ZFPM2: variants seen among roughly 807,000 people sequenced by gnomAD.
ZFPM2 encodes zinc finger protein, FOG family member 2.
A neutral mutation model predicts 98.6 loss-of-function variants in ZFPM2; 20 were observed. That is an observed-to-expected ratio of 0.20 (90% CI 0.14 to 0.29). ZFPM2 has a LOEUF of 0.29. ZFPM2 is among the 10% of genes least tolerant of loss of function. ZFPM2 has a pLI of 1.00. For synonymous variants in ZFPM2, 518 were observed against 502.7 expected, an observed-to-expected ratio of 1.03 and a Z score of -0.41; for missense variants, 1,310 against 1,388.6, an observed-to-expected ratio of 0.94 and a Z score of 0.90.
At chr8:105,679,394 G>A (rs1342956198) in intron 5 of ZFPM2, among the ~76,000 whole-genome samples, 1 of 152,122 alleles carries the variant, frequency 6.6e-6, no homozygotes, top group East Asian at 1.9e-4. Context: ...TCTGGCCCCT[G>A]TAAGCATTTG....
intron 5 of ZFPM2, among the ~76,000 whole-genome samples, chr8:105,692,317 T>C (rs1210608089): frequency 6.6e-6 from 1 of 152,228 alleles, no homozygotes; most frequent in Non-Finnish European, 1.5e-5. Flanking sequence ...ATGTGTGTTA[T>C]AATGACTACA....
intron 5 of ZFPM2, among the ~76,000 whole-genome samples, chr8:105,723,380 T>C (rs1811717962): frequency 6.6e-6 from 1 of 151,894 alleles, no homozygotes; most frequent in African/African-American, 2.4e-5. Flanking sequence ...TTCCACAGCA[T>C]TGACAGTCCT....
intron 1 of ZFPM2, among the ~76,000 whole-genome samples, chr8:105,343,679 G>A (rs560888850): frequency 6.6e-6 from 1 of 152,172 alleles, no homozygotes; most frequent in South Asian, 2.1e-4. Context: ...CTGGAAGCAT[G>A]GAAGCGAAGG....
chr8:105,633,598 A>G (rs1246138511), intron 4 of ZFPM2, among the ~76,000 whole-genome samples: 2 of 152,202 alleles, frequency 1.3e-5, no homozygotes, highest in Admixed American at 1.3e-4. Context: ...TGTGGTTCTC[A>G]GAGCAAGGGA....
intron 4 of ZFPM2, among the ~76,000 whole-genome samples, chr8:105,595,493 A>AT (rs1161890733): frequency 6.6e-6 from 1 of 152,112 alleles, no homozygotes; most frequent in Non-Finnish European, 1.5e-5. Flanking sequence ...CCAGAAGGTG[A>AT]TTTTAAGAAG....
At chr8:105,675,871 C>T (rs542312653) in intron 5 of ZFPM2, 6 of 152,242 alleles carry the variant, frequency 3.9e-5, no homozygotes, top group Admixed American at 6.5e-5. Flanking sequence ...CAATCTTTGA[C>T]GAACTGCATT....
chr8:105,426,754 T>C (rs748596531), intron 2 of ZFPM2, among the ~76,000 whole-genome samples: 3 of 151,408 alleles, frequency 2.0e-5, no homozygotes, highest in Admixed American at 6.6e-5. Flanking sequence ...GAGACCAGCC[T>C]GGTCAACATG....
chr8:105,645,582 G>A (rs1476084841), intron 5 of ZFPM2, among the ~76,000 whole-genome samples: 1 of 151,996 alleles, frequency 6.6e-6, no homozygotes, highest in Non-Finnish European at 1.5e-5. Flanking sequence ...AATTTGGAAA[G>A]GAGAAGTTTA....
In ZFPM2 at chr8:105,803,473, C is replaced by T; in HGVS notation, c.3391C>T (p.Leu1131Phe). 8 of 1,613,360 alleles carry T rather than the reference C, an allele frequency of 5.0e-6. No homozygotes were observed. Among genetic ancestry groups the T allele is most frequent in the Non-Finnish European group, 5.9e-6 (7 of 1,179,602 alleles). ...CRLCDIQFNN[L>F]SNFITHKKFY... ...GCTATGTGATATCCAGTTCAACAAC[C>T]TTTCAAACTTTATAACTCACAAGAA... is the stretch of plus-strand genomic sequence containing the variant. Residue 1131 changes from leucine to phenylalanine, a missense_variant, in exon 8 of 8, where the codon CTT becomes TTT. Coordinates refer to ENST00000407775, the MANE Select transcript of ZFPM2 (RefSeq NM_012082.4).
Position 105,802,282 on chromosome 8 carries a change from C to T in ZFPM2, c.2200C>T (p.Arg734Cys), listed in dbSNP as rs781567366. ...AGTGCCTGCCATGCAGAGAACCATG[C>T]GCACACGCAAGCGCAGAAAGATGTA... ...NKVPAMQRTMRTRKRRKMYEM... is the reference protein window; with the variant it reads ...NKVPAMQRTMCTRKRRKMYEM... Residue 734 changes from arginine (R) to cysteine (C), a missense_variant, in exon 8 of 8, where the codon CGC (arginine) becomes TGC (cysteine). Arg to Cys is a radical substitution (Grantham distance 180). Transcript: ENST00000407775. 2.5e-6 allele frequency: 4 copies of T among 1,613,770 alleles called. No homozygotes were observed. Among genetic ancestry groups the T allele is most frequent in the Non-Finnish European group, 2.5e-6 (3 of 1,179,800 alleles).
At chr8:105,447,102 G>A (rs1812389437) in intron 3 of ZFPM2, among the ~76,000 whole-genome samples, 1 of 151,450 alleles carries the variant, frequency 6.6e-6, no homozygotes, top group African/African-American at 2.4e-5. Flanking sequence ...CTTTACTGAT[G>A]GTTACCCCAT....
intron 4 of ZFPM2, among the ~76,000 whole-genome samples, chr8:105,579,501 A>G (rs1342732798): frequency 6.6e-6 from 1 of 152,126 alleles, no homozygotes; most frequent in Non-Finnish European, 1.5e-5. Context: ...CTTTCAGGAT[A>G]CTACATGTGT....
intron 3 of ZFPM2, chr8:105,528,924 T>G (rs532810253): frequency 6.6e-6 from 1 of 152,216 alleles, no homozygotes; most frequent in South Asian, 2.1e-4. Flanking sequence ...GTAAAGAAAG[T>G]TTTGAACCTG....
At chr8:105,462,881 A>G (rs1462851274) in intron 3 of ZFPM2, among the ~76,000 whole-genome samples, 2 of 152,246 alleles carry the variant, frequency 1.3e-5, no homozygotes, top group East Asian at 3.9e-4. Context: ...ATTCGATTCA[A>G]CGTCCTTGAT....
intron 3 of ZFPM2, among the ~76,000 whole-genome samples, chr8:105,550,679 G>A (rs546561747): frequency 2.6e-5 from 4 of 152,146 alleles, no homozygotes; most frequent in Non-Finnish European, 5.9e-5. Context: ...TTCAACAGGA[G>A]CAATCACCTC....
intron 5 of ZFPM2, among the ~76,000 whole-genome samples, chr8:105,747,369 C>T (rs1812372545): frequency 6.6e-6 from 1 of 152,012 alleles, no homozygotes; most frequent in Non-Finnish European, 1.5e-5. Flanking sequence ...TTTGTAAGAC[C>T]TGAGTGTAAA....
intron 2 of ZFPM2, among the ~76,000 whole-genome samples, chr8:105,421,134 T>C (rs1811784281): frequency 6.6e-6 from 1 of 152,168 alleles, no homozygotes; most frequent in South Asian, 2.1e-4. Context: ...TCACTCCAGC[T>C]ATACTAATCA....
intron 2 of ZFPM2, among the ~76,000 whole-genome samples, chr8:105,426,157 T>C (rs1197008707): frequency 2.6e-5 from 4 of 152,172 alleles, no homozygotes; most frequent in African/African-American, 9.7e-5. Flanking sequence ...AGGGGACCTT[T>C]ACAGGCAACT....
chr8:105,752,898 G>A (rs1586239850), intron 5 of ZFPM2, among the ~76,000 whole-genome samples: 1 of 152,112 alleles, frequency 6.6e-6, no homozygotes, highest in South Asian at 2.1e-4. Context: ...TTTGTACAAG[G>A]TTTTCAAGCC....
Sources: allele counts gnomAD v4.1 joint callset (sites outside exome capture counted in the v4.1 genomes callset), GRCh38; gene constraint gnomAD v4.1.1; transcripts MANE v1.5; gene names NCBI Gene and HGNC (gene_info 2026-07-23, HGNC 2026-07-21).